The following MTMR10 variants were observed in gnomAD, a reference collection of about 807,000 sequenced individuals.
MTMR10 encodes myotubularin-related protein 10.
A neutral mutation model predicts 88.1 loss-of-function variants in MTMR10; 56 were observed. The observed-to-expected ratio is 0.64, with a 90% confidence interval of 0.51 to 0.79. The LOEUF (loss-of-function observed/expected upper bound fraction) is 0.79. Ranked by LOEUF, MTMR10 falls within the 30% of genes least tolerant of loss-of-function variation. MTMR10 has a pLI of 0.00. For missense variants in MTMR10, 883 were observed against 924.7 expected (o/e 0.95, Z 0.58); for synonymous variants, 380 against 340.9 (o/e 1.11, Z -1.26).
At chr15:30,961,552 CATTT>C (rs1293203384) in intron 6 of MTMR10, among the ~76,000 whole-genome samples, 1 of 152,040 alleles carries the variant, frequency 6.6e-6, no homozygotes, top group Non-Finnish European at 1.5e-5. Flanking sequence ...AAAAATAACT[CATTT>C]AGTCTTGTCC....
chr15:30,919,378 CAAAAAAA>C, the MTMR10 span, among the ~76,000 whole-genome samples: 1,584 of 75,144 alleles, frequency 0.021, 7 homozygotes, highest in Middle Eastern at 0.029. Context: ...AACTCCGTCT[CAAAAAAA>C]AAAAAAAAAA....
In MTMR10 at chr15:30,941,383, T is replaced by G; in HGVS notation, c.*87A>C. The stretch of plus-strand genomic sequence containing the variant: ...CTATTATTCTTACATATAAAGTTAT[T>G]AGAGATTCAAACGCCTAGGTTAGCA... On this transcript the variant is annotated 3_prime_UTR_variant, in exon 16 of 16. Coordinates refer to ENST00000435680, the MANE Select transcript of MTMR10 (RefSeq NM_017762.3). 5.8e-6 allele frequency: 9 copies of G among 1,538,520 alleles called. No homozygotes were observed. Among genetic ancestry groups the G allele is most frequent in the Non-Finnish European group, 7.9e-6 (9 of 1,145,466 alleles).
At chr15:30,921,401 C>T in the MTMR10 span, among the ~76,000 whole-genome samples, 1 of 152,192 alleles carries the variant, frequency 6.6e-6, no homozygotes, top group Non-Finnish European at 1.5e-5. Flanking sequence ...TTTATAATCA[C>T]AAATCAGAAA....
At chr15:30,990,466 T>C (rs1219872667) in intron 2 of MTMR10, among the ~76,000 whole-genome samples, 1 of 152,180 alleles carries the variant, frequency 6.6e-6, no homozygotes, top group Admixed American at 6.5e-5. Flanking sequence ...AAGGCGTCTT[T>C]TTATACTATC....
Position 30,940,315 on chromosome 15 carries a change from G to A in MTMR10, c.*1155C>T. ...AGATTCAGATCAAGCAAACAACTGT[G>A]TCTGCTCATTCTCCTCAACTTTGCT... is the stretch of plus-strand genomic sequence containing the variant. On this transcript the variant is annotated 3_prime_UTR_variant, in exon 16 of 16. Transcript: ENST00000435680. 1 of 985,440 alleles carries A rather than the reference G, an allele frequency of 1.0e-6. No homozygotes were observed. The highest frequency in any genetic ancestry group is 5.2e-4 in the Middle Eastern group (1 of 1,914). The allele number at this position is 985,440 out of a possible 1,614,324, so 61.0% of individuals were successfully genotyped here. A position where few individuals can be genotyped will look rare whatever the true frequency, so the allele number is the denominator to read the frequency against.
At chr15:30,920,932 C>T in the MTMR10 span, among the ~76,000 whole-genome samples, 8 of 152,110 alleles carry the variant, frequency 5.3e-5, no homozygotes, top group African/African-American at 1.9e-4. Flanking sequence ...TACAGGCGTG[C>T]GCCACCATGC....
At chr15:30,927,436 C>T in the MTMR10 span, 17 of 985,570 alleles carry the variant, frequency 1.7e-5, no homozygotes, top group Non-Finnish European at 2.0e-5. Context: ...AGACGGGCTG[C>T]AGGGATGAGG....
intron 1 of MTMR10, 97 bp downstream of exon 1, chr15:30,991,350 C>T: frequency 8.2e-7 from 1 of 1,217,340 alleles, no homozygotes; most frequent in African/African-American, 1.6e-5. Flanking sequence ...GGGAGACGCG[C>T]GCAGCCTCCT....
chr15:30,984,191 G>C lies in MTMR10; in HGVS notation c.121+6586C>G, dbSNP rs79255101. On this transcript the variant is annotated intron_variant, in intron 2 of 15. Coordinates refer to ENST00000435680, the MANE Select transcript of MTMR10 (RefSeq NM_017762.3). ...AGAATTTGGATTTTATCCTGCTTAA[G>C]TAGGATTTTATTTATGGAGGTTCAT... Among the ~76,000 whole-genome samples the C allele has an allele frequency of 5.0e-3, 769 of 152,298 alleles. 6 individuals carry two copies. Among genetic ancestry groups the C allele is most frequent in the African/African-American group, 0.018 (731 of 41,562 alleles).
intron 2 of MTMR10, among the ~76,000 whole-genome samples, chr15:30,989,823 G>A (rs183868941): frequency 3.4e-4 from 52 of 152,136 alleles, no homozygotes; most frequent in African/African-American, 1.3e-3. Context: ...TTGACCACGT[G>A]ATCCACCCGC....
chr15:30,932,011 A>G, the MTMR10 span, among the ~76,000 whole-genome samples: 4 of 151,510 alleles, frequency 2.6e-5, no homozygotes, highest in African/African-American at 9.7e-5. Flanking sequence ...TCACGAGGTC[A>G]GGAGATTGAG....
chr15:30,938,767 T>A (rs1230013952), downstream of MTMR10, among the ~76,000 whole-genome samples: 2 of 152,170 alleles, frequency 1.3e-5, no homozygotes, highest in Non-Finnish European at 2.9e-5. Context: ...CCACATGGCT[T>A]TAACTTTAGC....
intron 9 of MTMR10, among the ~76,000 whole-genome samples, chr15:30,956,966 G>A (rs2063336151): frequency 6.6e-6 from 1 of 152,134 alleles, no homozygotes; most frequent in Admixed American, 6.5e-5. Flanking sequence ...GGACTCGTGT[G>A]AACTATAGTC....
At position 30,948,478 on chromosome 15, in the gene MTMR10, A is replaced by G; in HGVS notation, c.1208-7T>C. The G allele has an allele frequency of 6.3e-7, 1 of 1,591,444 alleles. No individual in the cohort carries two copies. The highest frequency in any genetic ancestry group is 8.6e-7 in the Non-Finnish European group (1 of 1,168,306). The stretch of plus-strand genomic sequence containing the variant: ...AAGTCTCTTCCTTCCTCCTCTGTTA[A>G]TAAAATGGAAAGAAAATGATTACAA... On this transcript the variant is annotated splice_polypyrimidine_tract_variant and splice_region_variant and intron_variant, in intron 12 of 15. Coordinates refer to ENST00000435680, the MANE Select transcript of MTMR10 (RefSeq NM_017762.3).
intron 1 of MTMR10, chr15:30,991,194 C>T (rs2031298699): frequency 2.1e-6 from 1 of 484,456 alleles, no homozygotes. Context: ...CCCTGGGCCT[C>T]AACACTCCGC....
At chr15:30,935,157 A>C (rs1465446725), downstream of MTMR10, among the ~76,000 whole-genome samples, 1 of 151,840 alleles carries the variant, frequency 6.6e-6, no homozygotes, top group Non-Finnish European at 1.5e-5. Flanking sequence ...ACGATAAACA[A>C]ATTAGCTGGG....
intron 5 of MTMR10, among the ~76,000 whole-genome samples, chr15:30,969,079 T>C (rs1595934068): frequency 6.6e-6 from 1 of 152,178 alleles, no homozygotes; most frequent in African/African-American, 2.4e-5. Context: ...GAAAAGTTAA[T>C]TGTTAGTTCA....
At chr15:30,936,838 CACTGCTGCTG>C (rs534634675), downstream of MTMR10, among the ~76,000 whole-genome samples, 9,727 of 152,248 alleles carry the variant, frequency 0.064, 426 homozygotes, top group Admixed American at 0.13. Flanking sequence ...AGCTGTGGCT[CACTGCTGCTG>C]CCCAGCATGG....
chr15:30,920,394 G>C, the MTMR10 span: 1 of 606,756 alleles, frequency 1.6e-6, no homozygotes, highest in South Asian at 2.2e-5. Flanking sequence ...TGAGAATGTA[G>C]GTTTGTGGTG....
Sources: gnomAD v4.1 joint callset for allele counts (sites outside exome capture counted in the v4.1 genomes callset) on GRCh38, gnomAD v4.1.1 for gene constraint, MANE v1.5 for transcripts, NCBI Gene and HGNC (gene_info 2026-07-23, HGNC 2026-07-21) for gene names.